The following FAM161A variants were observed in gnomAD, a reference collection of about 807,000 sequenced individuals.
FAM161A encodes protein FAM161A.
A neutral mutation model predicts 70.9 loss-of-function variants in FAM161A; 57 were observed. The ratio of observed to expected loss-of-function variants is 0.80; its 90% CI spans 0.65 to 1.00. The LOEUF (loss-of-function observed/expected upper bound fraction) is 1.00, where lower values mean the gene tolerates loss of function less well. Among genes scored for constraint, FAM161A ranks in the 50% least tolerant of loss-of-function variants. The pLI is 0.00. For missense variants in FAM161A, 880 were observed against 836.0 expected (o/e 1.05, Z -0.65); for synonymous variants, 299 against 295.7 (o/e 1.01, Z -0.12).
the FAM161A span, among the ~76,000 whole-genome samples, chr2:61,800,491 G>A: frequency 6.6e-6 from 1 of 152,168 alleles, no homozygotes; most frequent in South Asian, 2.1e-4. Context: ...TCTTCATGGT[G>A]GCAAGACAGC....
At chr2:61,847,175 C>T (rs1340461093) in intron 1 of FAM161A, among the ~76,000 whole-genome samples, 2 of 151,924 alleles carry the variant, frequency 1.3e-5, no homozygotes, top group Non-Finnish European at 2.9e-5. Flanking sequence ...AAAAAAGAAA[C>T]AAAAATCCAC....
downstream of FAM161A, chr2:61,820,477 G>A (rs963304693): frequency 2.1e-5 from 16 of 754,996 alleles, no homozygotes; most frequent in African/African-American, 2.5e-4. Context: ...CTCAAGAGAA[G>A]GTTCTCAAAG....
chr2:61,823,964 C>T (rs1672266610), downstream of FAM161A, among the ~76,000 whole-genome samples: 1 of 152,004 alleles, frequency 6.6e-6, no homozygotes, highest in South Asian at 2.1e-4. Flanking sequence ...CAGTTGACTT[C>T]TAACCATCAC....
intron 4 of FAM161A, 129 bp from the exon 5 acceptor site, chr2:61,836,238 AC>A (rs1435737211): frequency 6.7e-6 from 5 of 744,928 alleles, no homozygotes; most frequent in Non-Finnish European, 1.2e-5. Context: ...AGCTTAGCTG[AC>A]AAATCAGAAA....
chr2:61,841,244 T>G (rs1419334308), intron 2 of FAM161A, among the ~76,000 whole-genome samples: 2 of 152,148 alleles, frequency 1.3e-5, no homozygotes, highest in Non-Finnish European at 2.9e-5. Context: ...CAAGCCTAGA[T>G]TACAAGCCCT....
chr2:61,827,262 T>G lies in FAM161A; in HGVS notation c.1852-4A>C. 1.2e-6 allele frequency: 2 copies of G among 1,612,614 alleles called. No homozygotes were observed. The highest frequency in any genetic ancestry group is 1.7e-6 in the Non-Finnish European group (2 of 1,179,874). ...CTGCTGCCATTCTTGCATTTTTCTA[T>G]AGGAAAGACAAACCTTTTTAGACGA... On this transcript the variant is annotated splice_region_variant and splice_polypyrimidine_tract_variant and intron_variant, in intron 5 of 6. Coordinates refer to ENST00000404929, the MANE Select transcript of FAM161A (RefSeq NM_001201543.2).
the FAM161A span, among the ~76,000 whole-genome samples, chr2:61,804,768 GAGAAAGAAAGAAAGAA>G: frequency 4.1e-4 from 49 of 119,038 alleles, no homozygotes; most frequent in Admixed American, 5.8e-4. Flanking sequence ...GAAAAAGAAA[GAGAAAGAAAGAAAGAA>G]AGAAAGAAAG....
In FAM161A at chr2:61,826,526, C is replaced by G. The variant is rs1672373216; in HGVS notation, c.2080G>C (p.Asp694His). ...ENYFIDTNSQ[D>H]SYKEKDEANE... ...GCTTCATCTTTTTCCTTGTAAGAAT[C>G]CTGGCTGTTGGTATCAATAAAATAA... is the stretch of plus-strand genomic sequence containing the variant. The change falls in exon 7 of 7, where the codon GAT becomes CAT. Residue 694 changes from aspartate (D) to histidine (H), a missense_variant. Coordinates refer to ENST00000404929, the MANE Select transcript of FAM161A (RefSeq NM_001201543.2). 1 of 1,605,840 alleles carries G rather than the reference C, an allele frequency of 6.2e-7. No homozygotes were observed. The highest frequency in any genetic ancestry group is 8.5e-7 in the Non-Finnish European group (1 of 1,174,814).
chr2:61,804,812 A>AAGAAAGAAAG, the FAM161A span, among the ~76,000 whole-genome samples: 2 of 149,570 alleles, frequency 1.3e-5, no homozygotes, highest in Non-Finnish European at 3.0e-5. Flanking sequence ...GAAAGAAAGA[A>AAGAAAGAAAG]AGAAAGAGAA....
downstream of FAM161A, among the ~76,000 whole-genome samples, chr2:61,823,646 A>C (rs747362133): frequency 8.5e-5 from 13 of 152,060 alleles, no homozygotes; most frequent in Non-Finnish European, 2.9e-5. Context: ...GATTACAGGC[A>C]TGAGCCACCA....
In FAM161A at chr2:61,839,746, A is replaced by G; in HGVS notation, c.1258T>C (p.Cys420Arg). The part of the protein sequence containing the change: ...RCPEQAVKLK[C>R]KHKVRCPTPD... ...GTTGGGCACCTAACCTTGTGTTTACACTTCAACTTTACAGCCTGTTCAGGA... is the reference window on the plus strand; with the variant it reads ...GTTGGGCACCTAACCTTGTGTTTACGCTTCAACTTTACAGCCTGTTCAGGA... The change falls in exon 3 of 7, where the codon TGT (cysteine) becomes CGT (arginine). Residue 420 changes from cysteine (C) to arginine (R), a missense_variant. Cys to Arg is a radical substitution (Grantham distance 180). Coordinates refer to ENST00000404929, the MANE Select transcript of FAM161A (RefSeq NM_001201543.2). The G allele has an allele frequency of 6.2e-7, 1 of 1,614,156 alleles. No individual in the cohort carries two copies. The highest frequency in any genetic ancestry group is 8.5e-7 in the Non-Finnish European group (1 of 1,180,032).
At chr2:61,818,644 A>G in the FAM161A span, among the ~76,000 whole-genome samples, 1 of 152,242 alleles carries the variant, frequency 6.6e-6, no homozygotes, top group African/African-American at 2.4e-5. Flanking sequence ...TTTGTGCATC[A>G]TGATGATACC....
chr2:61,812,767 C>T, the FAM161A span, among the ~76,000 whole-genome samples: 1 of 150,140 alleles, frequency 6.7e-6, no homozygotes, highest in Admixed American at 6.6e-5. Flanking sequence ...ACAAACATTC[C>T]ATACTTTAAA....
chr2:61,806,122 G>A, the FAM161A span, among the ~76,000 whole-genome samples: 1 of 152,140 alleles, frequency 6.6e-6, no homozygotes, highest in South Asian at 2.1e-4. Flanking sequence ...GGAGGCTGAG[G>A]CAGGAGAATC....
At chr2:61,850,369 C>G (rs1170439877) in intron 1 of FAM161A, among the ~76,000 whole-genome samples, 1 of 152,046 alleles carries the variant, frequency 6.6e-6, no homozygotes, top group Non-Finnish European at 1.5e-5. Context: ...GCACTCCAGC[C>G]TGGGCAACAA....
downstream of FAM161A, among the ~76,000 whole-genome samples, chr2:61,821,644 C>A (rs1006447245): frequency 6.6e-6 from 1 of 152,056 alleles, no homozygotes; most frequent in African/African-American, 2.4e-5. Context: ...GTTGCCCAGG[C>A]TGGTCTTGAA....
intron 6 of FAM161A, 70 bp downstream of exon 6, chr2:61,827,034 T>A (rs1672392646): frequency 6.9e-7 from 1 of 1,457,448 alleles, no homozygotes; most frequent in Admixed American, 1.7e-5. Flanking sequence ...ATACATAGTA[T>A]AAAATTGTGC....
At chr2:61,816,606 C>T in the FAM161A span, among the ~76,000 whole-genome samples, 1 of 151,996 alleles carries the variant, frequency 6.6e-6, no homozygotes, top group African/African-American at 2.4e-5. Flanking sequence ...ACCACAGACA[C>T]ACACCACTAG....
chr2:61,827,577 T>C (rs1572858736), intron 5 of FAM161A, among the ~76,000 whole-genome samples: 1 of 129,752 alleles, frequency 7.7e-6, no homozygotes, highest in African/African-American at 3.0e-5. Context: ...GCCACTGTAC[T>C]CCAGCCTGGG....
Sources: gnomAD v4.1 joint callset for allele counts (sites outside exome capture counted in the v4.1 genomes callset) on GRCh38, gnomAD v4.1.1 for gene constraint, MANE v1.5 for transcripts, NCBI Gene and HGNC (gene_info 2026-07-23, HGNC 2026-07-21) for gene names.